DRC2: variants seen among roughly 807,000 people sequenced by gnomAD.
DRC2 encodes dynein regulatory complex subunit 2, also known as coiled-coil domain containing 65.
At chr12:48,920,138 G>C in the DRC2 span, among the ~76,000 whole-genome samples, 1 of 61,654 alleles carries the variant, frequency 1.6e-5, no homozygotes, top group Non-Finnish European at 3.5e-5. Context: ...AAAAAAAAAA[G>C]AATTAATAAT....
chr12:48,910,015 G>C, the DRC2 span, among the ~76,000 whole-genome samples: 2 of 151,546 alleles, frequency 1.3e-5, no homozygotes, highest in Non-Finnish European at 2.9e-5. Flanking sequence ...CCTGACCTCA[G>C]GTGATCCGCC....
chr12:48,904,754 G>C, the DRC2 span, among the ~76,000 whole-genome samples: 16 of 152,180 alleles, frequency 1.1e-4, no homozygotes, highest in Non-Finnish European at 2.1e-4. Context: ...TCTCCCTGGA[G>C]ATAGGTCATT....
chr12:48,921,234 CTG>C, the DRC2 span: 1 of 1,614,192 alleles, frequency 6.2e-7, no homozygotes, highest in Non-Finnish European at 8.5e-7. Context: ...ACTGGAGCAA[CTG>C]AGCCTCCAAC....
the DRC2 span, among the ~76,000 whole-genome samples, chr12:48,911,843 A>G: frequency 1.3e-5 from 2 of 152,000 alleles, no homozygotes; most frequent in African/African-American, 2.4e-5. Context: ...CTCATTTTCT[A>G]TTCAATTACT....
At chr12:48,905,111 AAGGT>A in the DRC2 span, 1 of 1,601,134 alleles carries the variant, frequency 6.2e-7, no homozygotes, top group African/African-American at 1.3e-5. Flanking sequence ...CAATGTCATC[AAGGT>A]AGGCACTCTT....
chr12:48,912,969 C>G, the DRC2 span, among the ~76,000 whole-genome samples: 9 of 151,786 alleles, frequency 5.9e-5, no homozygotes, highest in African/African-American at 2.2e-4. Context: ...AACCCTGTCT[C>G]TACTAAAAAT....
At chr12:48,916,018 C>T in the DRC2 span, among the ~76,000 whole-genome samples, 11 of 148,544 alleles carry the variant, frequency 7.4e-5, no homozygotes, top group African/African-American at 2.7e-4. Flanking sequence ...CGGGCAGAGA[C>T]GCTCCTCACT....
chr12:48,909,557 A>G, the DRC2 span, among the ~76,000 whole-genome samples: 1 of 151,896 alleles, frequency 6.6e-6, no homozygotes, highest in Non-Finnish European at 1.5e-5. Context: ...GGCTCACTGT[A>G]ACCTTCGCCT....
the DRC2 span, chr12:48,921,216 A>G: frequency 1.9e-6 from 3 of 1,614,216 alleles, no homozygotes; most frequent in Non-Finnish European, 2.5e-6. Context: ...AAGGTACAAC[A>G]AAGTGAAACT....
the DRC2 span, chr12:48,904,933 T>C: frequency 1.3e-6 from 2 of 1,569,576 alleles, no homozygotes; most frequent in African/African-American, 1.4e-5. Context: ...GGTATATTTA[T>C]TCCTTCACAC....
the DRC2 span, among the ~76,000 whole-genome samples, chr12:48,907,792 A>G: frequency 6.6e-6 from 1 of 151,974 alleles, no homozygotes; most frequent in Non-Finnish European, 1.5e-5. Context: ...CCATTCTGTC[A>G]TTTTTCCTAC....
chr12:48,908,852 C>G, the DRC2 span, among the ~76,000 whole-genome samples: 1,957 of 151,418 alleles, frequency 0.013, 154 homozygotes, highest in Admixed American at 0.12. Context: ...CCACCTGCCT[C>G]GGCCTCCTAA....
At chr12:48,907,812 A>G in the DRC2 span, among the ~76,000 whole-genome samples, 1 of 152,206 alleles carries the variant, frequency 6.6e-6, no homozygotes, top group Non-Finnish European at 1.5e-5. Context: ...CCTCTGGGAC[A>G]TAAATCAGTC....
At chr12:48,909,121 G>A in the DRC2 span, among the ~76,000 whole-genome samples, 9 of 128,266 alleles carry the variant, frequency 7.0e-5, no homozygotes, top group East Asian at 2.6e-4. Flanking sequence ...TCGGCTCACC[G>A]CAACCTCCAC....
At chr12:48,914,425 G>C in the DRC2 span, 2 of 1,611,740 alleles carry the variant, frequency 1.2e-6, no homozygotes, top group African/African-American at 2.7e-5. Context: ...AGACCTGTCC[G>C]AAGCCGAGGA....
At chr12:48,908,744 G>A in the DRC2 span, among the ~76,000 whole-genome samples, 1 of 151,836 alleles carries the variant, frequency 6.6e-6, no homozygotes, top group African/African-American at 2.4e-5. Flanking sequence ...GGGATTACAG[G>A]TGCATGCCAC....
the DRC2 span, among the ~76,000 whole-genome samples, chr12:48,911,088 C>G: frequency 2.0e-5 from 3 of 152,158 alleles, no homozygotes; most frequent in Non-Finnish European, 4.4e-5. Context: ...TGCAGTTTAA[C>G]ACATTACTTT....
At chr12:48,920,557 A>C in the DRC2 span, among the ~76,000 whole-genome samples, 1 of 140,988 alleles carries the variant, frequency 7.1e-6, no homozygotes, top group African/African-American at 2.7e-5. Flanking sequence ...GGTCTCGCTC[A>C]GTTGCCCAGG....
At chr12:48,921,080 A>C in the DRC2 span, 3 of 1,611,048 alleles carry the variant, frequency 1.9e-6, no homozygotes, top group Admixed American at 5.0e-5. Context: ...GGAGCTCACC[A>C]AGGTAAAGCC....
Sources: gnomAD v4.1 joint callset for allele counts (sites outside exome capture counted in the v4.1 genomes callset) on GRCh38, gnomAD v4.1.1 for gene constraint, MANE v1.5 for transcripts, NCBI Gene and HGNC (gene_info 2026-07-23, HGNC 2026-07-21) for gene names.